Variants in PIK3C2G observed in about 807,000 individuals in gnomAD.
The protein encoded by PIK3C2G is phosphatidylinositol 3-kinase C2 domain-containing subunit gamma.
A neutral mutation model predicts 181.1 loss-of-function variants in PIK3C2G; 168 were observed. The observed-to-expected ratio is 0.93, with a 90% CI of 0.82 to 1.05. The LOEUF (loss-of-function observed/expected upper bound fraction) is 1.05. PIK3C2G is among the 50% of genes least tolerant of loss of function. The probability of loss-of-function intolerance (pLI) is 0.00; values close to 1 mark genes in which losing one functional copy is unlikely to be tolerated. For missense variants in PIK3C2G, 1,869 were observed against 1,732.8 expected, an observed-to-expected ratio of 1.08 and a Z score of -1.40; for synonymous variants, 573 against 592.2, an observed-to-expected ratio of 0.97 and a Z score of 0.47.
chr12:18,320,520 C>T (rs770305590), intron 6 of PIK3C2G, among the ~76,000 whole-genome samples: 1 of 152,202 alleles, frequency 6.6e-6, no homozygotes, highest in Non-Finnish European at 1.5e-5. Flanking sequence ...ATTTTGGCGG[C>T]AAGATGTGGT....
rs1948232271 is a variant in PIK3C2G at position 18,609,608 on chromosome 12, A to G, written c.4161A>G (p.Leu1387=). 3 of 1,572,312 alleles carry G rather than the reference A, an allele frequency of 1.9e-6. No homozygotes were observed. The highest frequency in any genetic ancestry group is 4.6e-5 in the East Asian group (2 of 43,642). Residue 1387 remains leucine (L), a synonymous_variant, in exon 31 of 33, where the codon CTA becomes CTG. Transcript: ENST00000538779. Reference sequence around the variant, plus strand: ...ACGAGGATGTGAAGCTGACCATACTAGTGAAACACATGAAAAACATTGTAA... The same window carrying G: ...ACGAGGATGTGAAGCTGACCATACTGGTGAAACACATGAAAAACATTGTAA... The part of the protein sequence containing the change: ...ISYEDVKLTI[L]VKHMKNIHLP...
At chr12:18,347,097 T>C (rs1170243980) in intron 11 of PIK3C2G, among the ~76,000 whole-genome samples, 2 of 152,214 alleles carry the variant, frequency 1.3e-5, no homozygotes, top group Non-Finnish European at 2.9e-5. Flanking sequence ...AAAATACTAA[T>C]TCCATTTAGT....
intron 24 of PIK3C2G, among the ~76,000 whole-genome samples, chr12:18,527,814 T>A (rs904517550): frequency 6.6e-6 from 1 of 152,164 alleles, no homozygotes; most frequent in African/African-American, 2.4e-5. Flanking sequence ...AATAGTTGTT[T>A]TAATCACCCT....
intron 11 of PIK3C2G, among the ~76,000 whole-genome samples, chr12:18,347,455 T>TGC (rs1939777455): frequency 6.6e-6 from 1 of 152,164 alleles, no homozygotes; most frequent in Admixed American, 6.6e-5. Flanking sequence ...TGGTAATGGA[T>TGC]TTATTATACT....
At chr12:18,419,989 T>C (rs1282205848) in intron 16 of PIK3C2G, among the ~76,000 whole-genome samples, 1 of 152,194 alleles carries the variant, frequency 6.6e-6, no homozygotes, top group African/African-American at 2.4e-5. Flanking sequence ...ACCTGACTGG[T>C]TGAAAAGCAT....
chr12:18,286,941 T>TCTTTTTGCAACAAAGTAAAAAA lies in PIK3C2G; in HGVS notation c.761+12_761+13insCTTTTTGCAACAAAGTAAAAAA. On this transcript the variant is annotated intron_variant, in intron 3 of 32. Transcript: ENST00000538779. The stretch of plus-strand genomic sequence containing the variant: ...AACAAAGTAAAAAAGTGAGTACTGG[T>TCTTTTTGCAACAAAGTAAAAAA]ATTTCATTAAACTTTGAAATTTTTG... The TCTTTTTGCAACAAAGTAAAAAA allele has an allele frequency of 6.9e-7, 1 of 1,453,534 alleles. No homozygotes were observed. Among genetic ancestry groups the TCTTTTTGCAACAAAGTAAAAAA allele is most frequent in the Non-Finnish European group, 9.3e-7 (1 of 1,071,660 alleles). The allele number at this position is 1,453,534 out of a possible 1,614,324, so 90.0% of individuals were successfully genotyped here.
chr12:18,668,714 A>G, the PIK3C2G span, among the ~76,000 whole-genome samples: 2 of 152,290 alleles, frequency 1.3e-5, no homozygotes, highest in East Asian at 1.9e-4. Flanking sequence ...AAGACCATTT[A>G]TCACTCTCTG....
intron 30 of PIK3C2G, among the ~76,000 whole-genome samples, chr12:18,603,158 A>G (rs976784860): frequency 6.6e-6 from 1 of 152,202 alleles, no homozygotes; most frequent in Non-Finnish European, 1.5e-5. Flanking sequence ...ATATTCAAGG[A>G]AATAGATATC....
At chr12:18,366,381 A>C (rs1941642420) in intron 12 of PIK3C2G, among the ~76,000 whole-genome samples, 1 of 152,076 alleles carries the variant, frequency 6.6e-6, no homozygotes. Flanking sequence ...AAAAATACAA[A>C]AATTAGCCAG....
the PIK3C2G span, among the ~76,000 whole-genome samples, chr12:18,719,885 C>T: frequency 6.6e-6 from 1 of 151,794 alleles, no homozygotes; most frequent in South Asian, 2.1e-4. Context: ...TGAAAATACA[C>T]ACAAGAAAAG....
chr12:18,338,558 T>A lies in PIK3C2G; in HGVS notation c.1395+10T>A. The A allele has an allele frequency of 1.3e-6, 2 of 1,558,414 alleles. No homozygotes were observed. The highest frequency in any genetic ancestry group is 1.8e-6 in the Non-Finnish European group (2 of 1,138,044). On this transcript the variant is annotated intron_variant, in intron 9 of 32. Coordinates refer to ENST00000538779, the MANE Select transcript of PIK3C2G (RefSeq NM_001288772.2). ...TCAGAGAAAAGGAGAGGTAAGTACA[T>A]TCATTTATTACACAGTAGTTTTAAA...
Position 18,282,535 on chromosome 12 carries a change from G to A in PIK3C2G, c.454G>A (p.Asp152Asn). Residue 152 changes from aspartate (D) to asparagine (N), a missense_variant, in exon 2 of 33, where the codon GAT (aspartate) becomes AAT (asparagine). Transcript: ENST00000538779. ...SILAPSFTSL[D>N]KINLEKELEN... The stretch of plus-strand genomic sequence containing the variant: ...TTTAGCTCCATCATTCACAAGTTTG[G>A]ATAAAATTAATCTAGAGAAAGAATT... The A allele has an allele frequency of 6.2e-7, 1 of 1,611,486 alleles. No homozygotes were observed. Among genetic ancestry groups the A allele is most frequent in the Non-Finnish European group, 8.5e-7 (1 of 1,178,200 alleles).
At chr12:18,645,521 T>C (rs1950080473) in intron 32 of PIK3C2G, among the ~76,000 whole-genome samples, 1 of 152,212 alleles carries the variant, frequency 6.6e-6, no homozygotes, top group Admixed American at 6.5e-5. Flanking sequence ...TTCTTGAAGC[T>C]TTCAGCTTGC....
At chr12:18,460,302 G>A (rs925341636) in intron 18 of PIK3C2G, among the ~76,000 whole-genome samples, 8 of 151,950 alleles carry the variant, frequency 5.3e-5, no homozygotes, top group East Asian at 1.9e-4. Flanking sequence ...GTCCAGGTGC[G>A]GTGGCTCACT....
At chr12:18,396,882 A>G (rs932320328) in intron 15 of PIK3C2G, among the ~76,000 whole-genome samples, 6 of 151,850 alleles carry the variant, frequency 4.0e-5, no homozygotes, top group South Asian at 2.1e-4. Flanking sequence ...TATAATCCCA[A>G]TGAAAATCCC....
At chr12:18,709,359 T>C in the PIK3C2G span, among the ~76,000 whole-genome samples, 2 of 152,156 alleles carry the variant, frequency 1.3e-5, no homozygotes, top group African/African-American at 4.8e-5. Flanking sequence ...CTCTCTATTC[T>C]GTTCCACTGG....
intron 12 of PIK3C2G, among the ~76,000 whole-genome samples, chr12:18,365,510 T>C (rs1478622004): frequency 1.3e-5 from 2 of 152,174 alleles, no homozygotes; most frequent in African/African-American, 2.4e-5. Context: ...TCATCTTACA[T>C]GACCTATCAG....
chr12:18,362,987 T>A (rs1941374884), intron 12 of PIK3C2G, 101 bp downstream of exon 12: 2 of 866,098 alleles, frequency 2.3e-6, no homozygotes, highest in Non-Finnish European at 3.4e-6. Flanking sequence ...AAAAATATGC[T>A]GCCAGTTGAT....
chr12:18,286,665 C>T (rs1949457384), intron 2 of PIK3C2G, among the ~76,000 whole-genome samples, 182 bp from the exon 3 acceptor site: 1 of 152,038 alleles, frequency 6.6e-6, no homozygotes, highest in East Asian at 1.9e-4. Context: ...TTCCACAGAA[C>T]TCAAATTATA....
Sources: allele counts gnomAD v4.1 joint callset (sites outside exome capture counted in the v4.1 genomes callset), GRCh38; gene constraint gnomAD v4.1.1; transcripts MANE v1.5; gene names NCBI Gene and HGNC (gene_info 2026-07-23, HGNC 2026-07-21).